The following PRMT8 variants were observed in gnomAD, a reference collection of about 807,000 sequenced individuals.
PRMT8 encodes the protein protein arginine N-methyltransferase 8.
PRMT8 carries 7 observed loss-of-function variants against 47.1 expected under a neutral mutation model. The ratio of observed to expected loss-of-function variants is 0.15; its 90% confidence interval spans 0.08 to 0.28. The LOEUF is 0.28. Among genes scored for constraint, PRMT8 ranks in the 10% least tolerant of loss-of-function variants. The probability of loss-of-function intolerance (pLI) is 1.00; values close to 1 mark genes in which losing one functional copy is unlikely to be tolerated. For synonymous variants in PRMT8, 188 were observed against 186.5 expected (o/e 1.01, Z -0.07); for missense variants, 237 against 505.4 (o/e 0.47, Z 5.09).
chr12:3,397,627 G>GCT (rs1187719454), intron 1 of PRMT8, among the ~76,000 whole-genome samples: 1 of 151,872 alleles, frequency 6.6e-6, no homozygotes, highest in Non-Finnish European at 1.5e-5. Context: ...TGTCAGACAG[G>GCT]GACATTTAAG....
chr12:3,469,899 C>T (rs1865141079), intron 1 of PRMT8, among the ~76,000 whole-genome samples: 1 of 152,102 alleles, frequency 6.6e-6, no homozygotes, highest in African/African-American at 2.4e-5. Context: ...CTGTCAGTGC[C>T]ACCCCGCAGA....
intron 1 of PRMT8, among the ~76,000 whole-genome samples, chr12:3,468,179 C>T (rs1402085028): frequency 3.3e-5 from 5 of 152,120 alleles, no homozygotes; most frequent in South Asian, 2.1e-4. Flanking sequence ...GCTTAGGAAG[C>T]GGGACCTTCT....
chr12:3,405,509 C>T (rs1864363468), intron 1 of PRMT8, among the ~76,000 whole-genome samples: 1 of 152,196 alleles, frequency 6.6e-6, no homozygotes. Flanking sequence ...TCCAAAGTCT[C>T]ATCTGAGACA....
At chr12:3,573,404 C>T (rs186933772) in intron 6 of PRMT8, among the ~76,000 whole-genome samples, 7 of 152,300 alleles carry the variant, frequency 4.6e-5, no homozygotes, top group Middle Eastern at 3.4e-3. Context: ...TTTCCACTAG[C>T]TTCTTTAACA....
At chr12:3,444,208 G>A (rs745393194) in intron 1 of PRMT8, among the ~76,000 whole-genome samples, 7 of 152,102 alleles carry the variant, frequency 4.6e-5, no homozygotes, top group Non-Finnish European at 1.0e-4. Flanking sequence ...TTTTTCCAGC[G>A]GTTCTGGATC....
chr12:3,535,053 A>T lies in PRMT8; in HGVS notation c.76-5553A>T, dbSNP rs1866094984. 6.6e-6 allele frequency among the ~76,000 whole-genome samples: 1 copy of T among 152,240 alleles called. No homozygotes were observed. The highest frequency in any genetic ancestry group is 1.5e-5 in the Non-Finnish European group (1 of 68,044). On this transcript the variant is annotated intron_variant, in intron 1 of 9. Transcript: ENST00000382622. The surrounding 1 kb of genome is among the most constrained non-coding windows in gnomAD (Gnocchi z 4.7). ...GTCAATGTTAGGTCTCATCACCATC[A>T]TCATCCTCTGCCATCTACCTGCATT...
In PRMT8 at chr12:3,457,588, C is replaced by T. The variant is rs528389347; in HGVS notation, c.48+76146C>T. ...CCTCGCAAAGAGCTGGGATTGCAGG[C>T]GTGAGCCACCATGGCTGACCTATGC... On this transcript the variant is annotated intron_variant, in intron 1 of 9. Coordinates refer to the PRMT8 transcript ENST00000452611. Among the ~76,000 whole-genome samples, 86 of 152,160 alleles carry T rather than the reference C, an allele frequency of 5.7e-4. 1 individual carries two copies. Among genetic ancestry groups the T allele is most frequent in the Admixed American group, 4.6e-3 (70 of 15,280 alleles).
intron 1 of PRMT8, among the ~76,000 whole-genome samples, chr12:3,540,070 A>G (rs1328579617): frequency 6.6e-6 from 1 of 152,194 alleles, no homozygotes; most frequent in Non-Finnish European, 1.5e-5. Flanking sequence ...TTTGAAATAC[A>G]AACTTGTCTA....
intron 4 of PRMT8, among the ~76,000 whole-genome samples, chr12:3,568,048 G>T (rs574799810): frequency 2.0e-5 from 3 of 150,416 alleles, no homozygotes; most frequent in African/African-American, 4.9e-5. Context: ...CTCCAGCCTG[G>T]GCAACAAGAG....
intron 2 of PRMT8, 51 bp downstream of exon 2, chr12:3,540,842 C>T (rs1180218586): frequency 6.4e-7 from 1 of 1,557,464 alleles, no homozygotes. Flanking sequence ...CTCTGCTGTT[C>T]TGTTGTTTTC....
Position 3,540,613 on chromosome 12 carries a change from G to GGCCCCCCCC in PRMT8, c.83_84insGCCCCCCCC (p.Ser28delinsArgProProPro). Reference sequence around the variant, plus strand: ...CCCTTCTCTTCCCCTCAGGTGAACAGCCCCCCCTCCCAGCCCCCCCAGCCC... The same window carrying GGCCCCCCCC: ...CCCTTCTCTTCCCCTCAGGTGAACAGGCCCCCCCCCCCCCCCTCCCAGCCCCCCCAGCCC... On this transcript the variant is annotated protein_altering_variant, in exon 2 of 10. Coordinates refer to ENST00000382622, the MANE Select transcript of PRMT8 (RefSeq NM_019854.5). 1.2e-4 allele frequency: 141 copies of GGCCCCCCCC among 1,130,508 alleles called. No homozygotes were observed. The highest frequency in any genetic ancestry group is 1.7e-4 in the Non-Finnish European group (131 of 752,482). The allele number at this position is 1,130,508 out of a possible 1,614,324, so 70.0% of individuals were successfully genotyped here. A position where few individuals can be genotyped will look rare whatever the true frequency, so the allele number is the denominator to read the frequency against.
chr12:3,494,822 G>A (rs137858886), intron 1 of PRMT8, among the ~76,000 whole-genome samples: 1 of 152,126 alleles, frequency 6.6e-6, no homozygotes, highest in Non-Finnish European at 1.5e-5. Flanking sequence ...CTCTTCAACC[G>A]CTCTGACCTC....
chr12:3,434,799 AG>A (rs1174615428), intron 1 of PRMT8, among the ~76,000 whole-genome samples: 1 of 150,628 alleles, frequency 6.6e-6, no homozygotes, highest in Non-Finnish European at 1.5e-5. Context: ...AGGGTGCAAG[AG>A]TTTACATGAG....
intron 1 of PRMT8, among the ~76,000 whole-genome samples, chr12:3,474,497 T>C (rs1421520577): frequency 6.6e-6 from 1 of 152,096 alleles, no homozygotes; most frequent in Non-Finnish European, 1.5e-5. Flanking sequence ...TTTCACCCGA[T>C]GCTCTCTGCT....
At chr12:3,437,107 G>C (rs893410304) in intron 1 of PRMT8, among the ~76,000 whole-genome samples, 1 of 152,042 alleles carries the variant, frequency 6.6e-6, no homozygotes, top group Non-Finnish European at 1.5e-5. Context: ...CACCCTCCTG[G>C]GGTATCCAAC....
chr12:3,507,183 G>A (rs1023609995), intron 1 of PRMT8, among the ~76,000 whole-genome samples: 4 of 147,046 alleles, frequency 2.7e-5, no homozygotes, highest in Admixed American at 6.9e-5. Flanking sequence ...GTGCAGTGGC[G>A]CCATCTCAGC....
At chr12:3,520,905 A>T (rs936091644) in intron 1 of PRMT8, among the ~76,000 whole-genome samples, 1 of 152,176 alleles carries the variant, frequency 6.6e-6, no homozygotes, top group Non-Finnish European at 1.5e-5. Flanking sequence ...GAACTGGTCA[A>T]ACAAGTTGTA....
In PRMT8 at chr12:3,576,863, T is replaced by C; in HGVS notation, c.713-8T>C. ...CGCCTGCCTTCACGTCTTGCTCTGC[T>C]CCCACAGGGTGGGAGAATGTCTATG... On this transcript the variant is annotated splice_polypyrimidine_tract_variant and splice_region_variant and intron_variant, in intron 6 of 9. Coordinates refer to ENST00000382622, the MANE Select transcript of PRMT8 (RefSeq NM_019854.5). The surrounding 1 kb of genome is among the most constrained non-coding windows in gnomAD (Gnocchi z 4.0). 1 of 1,612,994 alleles carries C rather than the reference T, an allele frequency of 6.2e-7. No homozygotes were observed. Among genetic ancestry groups the C allele is most frequent in the South Asian group, 1.1e-5 (1 of 91,000 alleles).
intron 1 of PRMT8, among the ~76,000 whole-genome samples, chr12:3,428,905 TCTC>T: frequency 6.6e-6 from 1 of 152,022 alleles, no homozygotes; most frequent in South Asian, 2.1e-4. Flanking sequence ...TCTCTCTCTA[TCTC>T]TCTTTCCTTG....
Sources: allele counts gnomAD v4.1 joint callset (sites outside exome capture counted in the v4.1 genomes callset), GRCh38; gene constraint gnomAD v4.1.1; non-coding constraint Gnocchi (gnomAD v3.1); transcripts MANE v1.5; gene names NCBI Gene and HGNC (gene_info 2026-07-23, HGNC 2026-07-21).